The following INTS4 variants were observed in gnomAD, a reference collection of about 807,000 sequenced individuals.
The protein encoded by INTS4 is integrator complex subunit 4.
Under a neutral mutation model 119.5 loss-of-function variants are expected in INTS4, and 70 were observed. The ratio of observed to expected loss-of-function variants is 0.59; its 90% CI spans 0.48 to 0.71. The LOEUF (loss-of-function observed/expected upper bound fraction) is 0.71, where lower values mean the gene tolerates loss of function less well. INTS4 is among the 30% of genes least tolerant of loss of function. The probability of loss-of-function intolerance (pLI) is 0.00; values close to 1 mark genes in which losing one functional copy is unlikely to be tolerated. For synonymous variants in INTS4, 316 were observed against 419.6 expected (o/e 0.75, Z 3.02); for missense variants, 867 against 1,173.2 (o/e 0.74, Z 3.81).
chr11:77,940,189 G>C (rs1427618961), intron 9 of INTS4, among the ~76,000 whole-genome samples: 1 of 152,156 alleles, frequency 6.6e-6, no homozygotes, highest in African/African-American at 2.4e-5. Flanking sequence ...AGCACTTTGG[G>C]AGGCAGAGGC....
intron 2 of INTS4, among the ~76,000 whole-genome samples, chr11:77,988,572 A>G (rs1191716080): frequency 2.6e-5 from 4 of 152,188 alleles, no homozygotes; most frequent in Non-Finnish European, 5.9e-5. Context: ...GGGACTAGGA[A>G]GTGCGGGGTG....
At chr11:77,897,661 C>T (rs1273573577) in intron 18 of INTS4, among the ~76,000 whole-genome samples, 9 of 135,496 alleles carry the variant, frequency 6.6e-5, no homozygotes, top group South Asian at 2.2e-4. Flanking sequence ...CCACCACGCC[C>T]GGCTAATTTT....
At position 77,956,163 on chromosome 11, in the gene INTS4, C is replaced by T. The variant is rs565099031; in HGVS notation, c.798-101G>A. ...GTGGCTCACATCTATAATCCCAACACTTTGGGAGGCCCAGGCAGGTAGATT... is the reference window on the plus strand; with the variant it reads ...GTGGCTCACATCTATAATCCCAACATTTTGGGAGGCCCAGGCAGGTAGATT... On this transcript the variant is annotated intron_variant, in intron 7 of 22. Coordinates refer to ENST00000534064, the MANE Select transcript of INTS4 (RefSeq NM_033547.4). 53 of 1,368,866 alleles carry T rather than the reference C, an allele frequency of 3.9e-5. No individual in the cohort carries two copies. The South Asian group carries it at 5.5e-4, about 14-fold the overall frequency. The allele number at this position is 1,368,866 out of a possible 1,614,324, so 84.8% of individuals were successfully genotyped here.
chr11:77,990,684 TC>T (rs1258853997), intron 2 of INTS4, among the ~76,000 whole-genome samples: 1 of 63,912 alleles, frequency 1.6e-5, no homozygotes, highest in African/African-American at 7.4e-5. Flanking sequence ...AGACTCTGTC[TC>T]CAAAAAAAAA....
At chr11:77,939,109 G>T (rs1202224099) in intron 9 of INTS4, among the ~76,000 whole-genome samples, 1 of 152,252 alleles carries the variant, frequency 6.6e-6, no homozygotes, top group Admixed American at 6.5e-5. Context: ...ATAGGAAAGA[G>T]AGAGCCAGAG....
rs181177886 is a variant in INTS4, at chr11:77,981,288, G to C, written c.364+171C>G. Among the ~76,000 whole-genome samples the C allele has an allele frequency of 4.4e-3, 658 of 150,212 alleles. 3 individuals carry two copies. Among genetic ancestry groups the C allele is most frequent in the African/African-American group, 0.015 (624 of 40,786 alleles). ...CTGGCCAATAAATGACAGCTATTAA[G>C]AGATAAAACTGTATTTCTACTCTAA... On this transcript the variant is annotated intron_variant, in intron 3 of 22. Coordinates refer to ENST00000534064, the MANE Select transcript of INTS4 (RefSeq NM_033547.4).
intron 17 of INTS4, among the ~76,000 whole-genome samples, chr11:77,902,633 G>A (rs1183833640): frequency 1.3e-5 from 2 of 152,140 alleles, no homozygotes; most frequent in African/African-American, 4.8e-5. Context: ...TATTATGAGG[G>A]TTAATTAAGC....
At position 77,878,831 on chromosome 11, in the gene INTS4, T is replaced by G. The variant is rs1236825906; in HGVS notation, c.*118A>C. Reference sequence around the variant, plus strand: ...CTGTGTTTGATACCAGATGAGACTGTAAGGGTCACATACTCCTTAAGCCTA... The same window carrying G: ...CTGTGTTTGATACCAGATGAGACTGGAAGGGTCACATACTCCTTAAGCCTA... On this transcript the variant is annotated 3_prime_UTR_variant, in exon 23 of 23. Transcript: ENST00000534064. The G allele has an allele frequency of 5.0e-6, 4 of 803,034 alleles. No homozygotes were observed. The highest frequency in any genetic ancestry group is 1.7e-5 in the African/African-American group (1 of 58,774). 49.7% of individuals were successfully genotyped at this position (803,034 alleles called of 1,614,324 possible).
At chr11:77,878,165 A>G (rs900867278), downstream of INTS4, among the ~76,000 whole-genome samples, 12 of 152,106 alleles carry the variant, frequency 7.9e-5, no homozygotes, top group South Asian at 8.3e-4. Context: ...GATCAAGACC[A>G]TCCTGGCTAA....
chr11:77,899,061 T>A (rs539742435), intron 18 of INTS4, among the ~76,000 whole-genome samples: 1 of 152,256 alleles, frequency 6.6e-6, no homozygotes, highest in East Asian at 1.9e-4. Flanking sequence ...TTGCATATAA[T>A]AATTCAATAA....
intron 10 of INTS4, among the ~76,000 whole-genome samples, chr11:77,934,288 G>A (rs1387897738): frequency 6.6e-6 from 1 of 151,516 alleles, no homozygotes; most frequent in Non-Finnish European, 1.5e-5. Context: ...AGGAAAACCA[G>A]AGACCCTTGT....
chr11:77,991,049 C>A, intron 2 of INTS4, 59 bp downstream of exon 2: 1 of 1,434,882 alleles, frequency 7.0e-7, no homozygotes, highest in Non-Finnish European at 9.7e-7. Context: ...ATTAACCATT[C>A]TGCAGACATG....
At chr11:77,893,891 TTAAATAAA>T (rs56269909) in intron 19 of INTS4, among the ~76,000 whole-genome samples, 21 of 137,928 alleles carry the variant, frequency 1.5e-4, no homozygotes, top group East Asian at 4.2e-4. Context: ...AGACTCTGTC[TTAAATAAA>T]TAAATAAATA....
intron 15 of INTS4, chr11:77,910,906 A>G (rs1405032741): frequency 6.3e-6 from 5 of 798,586 alleles, no homozygotes; most frequent in Non-Finnish European, 9.2e-6. Flanking sequence ...ATTCATAGAA[A>G]GCTGCCTCAT....
At chr11:77,968,954 T>A (rs895388391) in intron 4 of INTS4, among the ~76,000 whole-genome samples, 1 of 152,174 alleles carries the variant, frequency 6.6e-6, no homozygotes, top group African/African-American at 2.4e-5. Context: ...CTTATATTTA[T>A]TTATTTTGAG....
Position 77,958,740 on chromosome 11 carries a change from A to T in INTS4, c.797+6T>A. On this transcript the variant is annotated splice_donor_region_variant and intron_variant, in intron 7 of 22. Transcript: ENST00000534064. ...TCAACAAAAGCCAGCTTACACCCAC[A>T]CTGACCTTTCAGGATAGAGCTGACT... is the stretch of plus-strand genomic sequence containing the variant. 1.3e-6 allele frequency: 2 copies of T among 1,592,138 alleles called. No homozygotes were observed. Among genetic ancestry groups the T allele is most frequent in the East Asian group, 4.5e-5 (2 of 44,810 alleles).
At chr11:77,890,397 T>C (rs1234731762) in intron 21 of INTS4, among the ~76,000 whole-genome samples, 1 of 152,118 alleles carries the variant, frequency 6.6e-6, no homozygotes, top group Non-Finnish European at 1.5e-5. Context: ...CTGCCAGTGC[T>C]TGCATCCCTG....
chr11:77,987,642 G>A (rs1403207901), intron 2 of INTS4: 4 of 451,110 alleles, frequency 8.9e-6, no homozygotes, highest in Non-Finnish European at 1.8e-5. Context: ...CAAGCAGGAG[G>A]GTTGCTTGAG....
chr11:77,916,011 C>A (rs1953197401), intron 15 of INTS4, among the ~76,000 whole-genome samples: 1 of 152,208 alleles, frequency 6.6e-6, no homozygotes, highest in South Asian at 2.1e-4. Context: ...TGGTGGCCCA[C>A]TCATTGTGTG....
Sources: allele counts gnomAD v4.1 joint callset (sites outside exome capture counted in the v4.1 genomes callset), GRCh38; gene constraint gnomAD v4.1.1; transcripts MANE v1.5; gene names NCBI Gene and HGNC (gene_info 2026-07-23, HGNC 2026-07-21).